ISM1: variants seen among roughly 807,000 people sequenced by gnomAD.
ISM1 encodes isthmin 1, also known as isthmin-1.
ISM1 carries 25 observed loss-of-function variants against 46.3 expected under a neutral mutation model. That is an observed-to-expected ratio of 0.54 (90% CI 0.39 to 0.75). The LOEUF (loss-of-function observed/expected upper bound fraction) is 0.75. ISM1 is among the 30% of genes least tolerant of loss of function. The probability of loss-of-function intolerance (pLI) is 0.00; values close to 1 mark genes in which losing one functional copy is unlikely to be tolerated. For missense variants in ISM1, 536 were observed against 625.4 expected, an observed-to-expected ratio of 0.86 and a Z score of 1.52; for synonymous variants, 255 against 256.7, an observed-to-expected ratio of 0.99 and a Z score of 0.06.
chr20:13,250,533 G>C (rs2039857480), intron 1 of ISM1, among the ~76,000 whole-genome samples: 1 of 152,190 alleles, frequency 6.6e-6, no homozygotes, highest in Non-Finnish European at 1.5e-5. Context: ...TCCAAAACTT[G>C]CTGCACATTG....
chr20:13,293,220 A>G (rs894032360), intron 5 of ISM1, among the ~76,000 whole-genome samples: 20 of 152,202 alleles, frequency 1.3e-4, no homozygotes, highest in African/African-American at 4.3e-4. Context: ...AAAAAAAAAA[A>G]AAAAAGAATT....
intron 4 of ISM1, among the ~76,000 whole-genome samples, chr20:13,292,086 G>A (rs1039378436): frequency 6.6e-6 from 1 of 152,150 alleles, no homozygotes; most frequent in African/African-American, 2.4e-5. Context: ...CCTGACATGT[G>A]TCCCCCACTG....
At chr20:13,316,119 C>A in the ISM1 span, among the ~76,000 whole-genome samples, 11 of 151,848 alleles carry the variant, frequency 7.2e-5, no homozygotes, top group Admixed American at 4.6e-4. Flanking sequence ...GATATCACTA[C>A]AGATATCATG....
the ISM1 span, among the ~76,000 whole-genome samples, chr20:13,308,807 G>C: frequency 6.6e-6 from 1 of 152,124 alleles, no homozygotes; most frequent in Non-Finnish European, 1.5e-5. Flanking sequence ...CTTATGGGAG[G>C]TTATTAGGTC....
At chr20:13,248,634 G>T (rs1274522581) in intron 1 of ISM1, among the ~76,000 whole-genome samples, 1 of 152,186 alleles carries the variant, frequency 6.6e-6, no homozygotes, top group African/African-American at 2.4e-5. Flanking sequence ...AATGTGCTCA[G>T]TTTGTTTTCC....
chr20:13,224,841 C>CT (rs1162270732), intron 1 of ISM1, among the ~76,000 whole-genome samples: 1,822 of 107,174 alleles, frequency 0.017, 43 homozygotes, highest in African/African-American at 0.027. Context: ...AGCTTTCTTT[C>CT]TTTTTTTTTT....
intron 3 of ISM1, among the ~76,000 whole-genome samples, chr20:13,283,360 G>A (rs11908511): frequency 0.03 from 4,561 of 152,288 alleles, 193 homozygotes; most frequent in African/African-American, 0.1. Context: ...GTGCAGCCTC[G>A]TCTGAGACAG....
At chr20:13,263,431 T>C (rs1247434445) in intron 1 of ISM1, among the ~76,000 whole-genome samples, 1 of 152,132 alleles carries the variant, frequency 6.6e-6, no homozygotes, top group African/African-American at 2.4e-5. Context: ...GCCGATTTTA[T>C]GGTCTAAAAC....
At chr20:13,322,160 T>G in the ISM1 span, among the ~76,000 whole-genome samples, 1 of 152,218 alleles carries the variant, frequency 6.6e-6, no homozygotes, top group Non-Finnish European at 1.5e-5. Context: ...TGAACAGAGC[T>G]GAAAAGCTGC....
chr20:13,269,733 A>G (rs1484958589), intron 1 of ISM1, among the ~76,000 whole-genome samples: 1 of 152,054 alleles, frequency 6.6e-6, no homozygotes, highest in Non-Finnish European at 1.5e-5. Context: ...GCCACTCTCC[A>G]TCATCTTCTT....
Position 13,299,521 on chromosome 20 carries a change from A to G in ISM1, c.*62A>G, listed in dbSNP as rs1041218332. The stretch of plus-strand genomic sequence containing the variant: ...TCTGGAGCACACACGTGCTGCACTG[A>G]CGTGCCGACTGGCGCCGAGACCTTC... On this transcript the variant is annotated 3_prime_UTR_variant, in exon 6 of 6. Coordinates refer to ENST00000262487, the MANE Select transcript of ISM1 (RefSeq NM_080826.2). This position sits in a 1 kb window ranked among gnomAD's most constrained non-coding sequence, Gnocchi z 5.8. The G allele has an allele frequency of 4.1e-6, 6 of 1,469,904 alleles. No homozygotes were observed. Among genetic ancestry groups the G allele is most frequent in the South Asian group, 1.3e-5 (1 of 79,138 alleles). The allele number at this position is 1,469,904 out of a possible 1,614,324, so 91.1% of individuals were successfully genotyped here. A position where few individuals can be genotyped will look rare whatever the true frequency, so the allele number is the denominator to read the frequency against.
intron 5 of ISM1, 63 bp from the exon 6 acceptor site, chr20:13,298,879 T>A: frequency 6.5e-7 from 1 of 1,547,418 alleles, no homozygotes; most frequent in South Asian, 1.2e-5. Flanking sequence ...ACATGCTCCT[T>A]GAAGCACCTC....
At position 13,226,111 on chromosome 20, in the gene ISM1, T is replaced by C. The variant is rs527461001; in HGVS notation, c.138+4197T>C. ...GTATTATAAAACACCAATTTGATTA[T>C]TTTTACAATAACATTAAAGCAAACC... On this transcript the variant is annotated intron_variant, in intron 1 of 5. Transcript: ENST00000262487. Among the ~76,000 whole-genome samples the C allele has an allele frequency of 3.9e-4, 59 of 152,332 alleles. No individual in the cohort carries two copies. In the South Asian group the frequency reaches 0.012, roughly 32 times the overall value.
rs572638917 is a variant in ISM1, at chr20:13,248,000, G to A, written c.139-22504G>A. ...GAATTTCCTCTATGACTTGTTCATC[G>A]TGTGTCAGTGTTGTGGTTTCCAAGT... On this transcript the variant is annotated intron_variant, in intron 1 of 5. Coordinates refer to ENST00000262487, the MANE Select transcript of ISM1 (RefSeq NM_080826.2). 9.9e-5 allele frequency among the ~76,000 whole-genome samples: 15 copies of A among 152,252 alleles called. No homozygotes were observed. In the South Asian group the frequency reaches 1.2e-3, roughly 13 times the overall value.
chr20:13,238,373 T>A (rs1280504540), intron 1 of ISM1, among the ~76,000 whole-genome samples: 1 of 152,204 alleles, frequency 6.6e-6, no homozygotes, highest in Non-Finnish European at 1.5e-5. Context: ...CTCACTAAAA[T>A]CAGGCAAAAT....
At chr20:13,312,498 T>A in the ISM1 span, among the ~76,000 whole-genome samples, 3 of 152,166 alleles carry the variant, frequency 2.0e-5, no homozygotes, top group African/African-American at 7.2e-5. Context: ...CAGTCTGAGA[T>A]AAACAGAGCA....
At chr20:13,296,078 AC>A (rs1374888333) in intron 5 of ISM1, among the ~76,000 whole-genome samples, 1 of 151,902 alleles carries the variant, frequency 6.6e-6, no homozygotes, top group African/African-American at 2.4e-5. Flanking sequence ...CCCTTAATGC[AC>A]CCCACATTCC....
At chr20:13,224,885 G>A (rs533171698) in intron 1 of ISM1, among the ~76,000 whole-genome samples, 64 of 127,178 alleles carry the variant, frequency 5.0e-4, no homozygotes, top group Non-Finnish European at 7.7e-4. Context: ...TTGCTCTGTC[G>A]CCCAGGCTGG....
chr20:13,288,694 C>T lies in ISM1; in HGVS notation c.787+11C>T, dbSNP rs1049328145. ...GTCCAAACTGCCCAGGTGCGTTTAC[C>T]TGAGTGTGTAGCTCCAAGTTCAAGG... On this transcript the variant is annotated intron_variant, in intron 4 of 5. Transcript: ENST00000262487. The T allele has an allele frequency of 3.7e-6, 6 of 1,610,036 alleles. No homozygotes were observed. The highest frequency in any genetic ancestry group is 5.1e-6 in the Non-Finnish European group (6 of 1,176,594).
Sources: allele counts gnomAD v4.1 joint callset (sites outside exome capture counted in the v4.1 genomes callset), GRCh38; gene constraint gnomAD v4.1.1; non-coding constraint Gnocchi (gnomAD v3.1); transcripts MANE v1.5; gene names NCBI Gene and HGNC (gene_info 2026-07-23, HGNC 2026-07-21).